The following GABRA5 variants were observed in gnomAD, a reference collection of about 807,000 sequenced individuals.
GABRA5 encodes gamma-aminobutyric acid type A receptor subunit alpha5.
Under a neutral mutation model 47.3 loss-of-function variants are expected in GABRA5, and 18 were observed. The ratio of observed to expected loss-of-function variants is 0.38; its 90% CI spans 0.26 to 0.56. The LOEUF (loss-of-function observed/expected upper bound fraction) is 0.56, where lower values mean the gene tolerates loss of function less well. GABRA5 is among the 20% of genes least tolerant of loss of function. The pLI, the probability that GABRA5 is intolerant of heterozygous loss-of-function variation, is 0.71. For synonymous variants in GABRA5, 237 were observed against 229.3 expected (o/e 1.03, Z -0.30); for missense variants, 365 against 599.3 (o/e 0.61, Z 4.08).
At chr15:26,874,232 T>C (rs1372093094) in intron 3 of GABRA5, among the ~76,000 whole-genome samples, 1 of 152,146 alleles carries the variant, frequency 6.6e-6, no homozygotes, top group East Asian at 1.9e-4. Context: ...AGAAGTCTGC[T>C]GGTACTTCAG....
intron 7 of GABRA5, among the ~76,000 whole-genome samples, chr15:26,920,081 G>C (rs1289117624): frequency 6.6e-6 from 1 of 151,564 alleles, no homozygotes; most frequent in African/African-American, 2.4e-5. Flanking sequence ...GTGGATTCTG[G>C]GTTTGCCTTA....
chr15:26,870,953 A>C (rs1388742998), intron 3 of GABRA5, among the ~76,000 whole-genome samples: 1 of 152,168 alleles, frequency 6.6e-6, no homozygotes, highest in Non-Finnish European at 1.5e-5. Flanking sequence ...GCACTTTGGG[A>C]GGCCAAGCGG....
intron 10 of GABRA5, among the ~76,000 whole-genome samples, chr15:26,945,194 C>T (rs1451319494): frequency 5.3e-5 from 8 of 152,110 alleles, no homozygotes; most frequent in African/African-American, 1.9e-4. Flanking sequence ...CCCCTGCTGC[C>T]AGGAAGGCTC....
At chr15:26,894,027 A>AG (rs1202576238) in intron 6 of GABRA5, among the ~76,000 whole-genome samples, 1 of 146,076 alleles carries the variant, frequency 6.8e-6, no homozygotes, top group Non-Finnish European at 1.5e-5. Context: ...AGGACTGGAG[A>AG]GGGGAGGCAG....
chr15:26,926,135 G>A (rs765678458), intron 7 of GABRA5, among the ~76,000 whole-genome samples: 4 of 152,086 alleles, frequency 2.6e-5, no homozygotes, highest in Admixed American at 6.5e-5. Flanking sequence ...GCCTTGCAGC[G>A]CTGACCCACA....
intron 7 of GABRA5, among the ~76,000 whole-genome samples, chr15:26,917,610 T>A (rs1356514006): frequency 1.3e-5 from 2 of 152,102 alleles, no homozygotes; most frequent in Admixed American, 6.5e-5. Context: ...CTCTTTAGTT[T>A]TTTTTGAAGA....
At position 26,948,348 on chromosome 15, in the gene GABRA5, C is replaced by A; in HGVS notation, c.*115C>A. The A allele has an allele frequency of 2.1e-6, 2 of 948,050 alleles. No individual in the cohort carries two copies. Among genetic ancestry groups the A allele is most frequent in the Non-Finnish European group, 1.6e-6 (1 of 641,800 alleles). 58.7% of individuals were successfully genotyped at this position (948,050 alleles called of 1,614,324 possible). ...AGCACTATCTTTCAGGAAATTTTTG[C>A]ATGTTTAATAATATGTACAAATAAT... On this transcript the variant is annotated 3_prime_UTR_variant, in exon 11 of 11. Coordinates refer to ENST00000335625, the MANE Select transcript of GABRA5 (RefSeq NM_000810.4).
rs888686935 is a variant in GABRA5 at position 26,936,665 on chromosome 15, C to T, written c.581-520C>T. 5.3e-5 allele frequency among the ~76,000 whole-genome samples: 8 copies of T among 152,316 alleles called. No homozygotes were observed. In the East Asian group the frequency reaches 7.7e-4, roughly 15 times the overall value. On this transcript the variant is annotated intron_variant, in intron 7 of 10. Coordinates refer to ENST00000335625, the MANE Select transcript of GABRA5 (RefSeq NM_000810.4). Reference sequence around the variant, plus strand: ...CACACCACCTTCACACCCAGGATGGCGTGGACAGCAGGTGCCTGTTGCAGA... The same window carrying T: ...CACACCACCTTCACACCCAGGATGGTGTGGACAGCAGGTGCCTGTTGCAGA...
At chr15:26,899,871 T>A (rs1893285707) in intron 6 of GABRA5, among the ~76,000 whole-genome samples, 1 of 152,176 alleles carries the variant, frequency 6.6e-6, no homozygotes, top group Non-Finnish European at 1.5e-5. Context: ...TTGAAGTATT[T>A]AGTCCATTTA....
intron 3 of GABRA5, among the ~76,000 whole-genome samples, chr15:26,869,606 C>T (rs769298467): frequency 2.6e-5 from 4 of 152,234 alleles, no homozygotes; most frequent in Non-Finnish European, 5.9e-5. Flanking sequence ...ATATCCGAGT[C>T]AGCTGTGATT....
chr15:26,928,627 G>A (rs1894017232), intron 7 of GABRA5, among the ~76,000 whole-genome samples: 1 of 152,118 alleles, frequency 6.6e-6, no homozygotes, highest in African/African-American at 2.4e-5. Context: ...CGTCCCTTCT[G>A]CCATGTGAGG....
chr15:26,933,049 T>A (rs773002082), intron 7 of GABRA5, among the ~76,000 whole-genome samples: 9 of 151,014 alleles, frequency 6.0e-5, no homozygotes, highest in African/African-American at 2.2e-4. Context: ...CCATGGCACA[T>A]GTTTGCCTAT....
At chr15:26,938,809 G>A (rs904089927) in intron 8 of GABRA5, among the ~76,000 whole-genome samples, 8 of 152,336 alleles carry the variant, frequency 5.3e-5, no homozygotes, top group African/African-American at 1.9e-4. Flanking sequence ...TTTGCCACAT[G>A]TGATTGCTAT....
intron 3 of GABRA5, among the ~76,000 whole-genome samples, chr15:26,869,805 A>G (rs899097974): frequency 6.6e-6 from 1 of 152,250 alleles, no homozygotes; most frequent in Admixed American, 6.5e-5. Context: ...GGCCTGAGCC[A>G]AGGCCCTAGA....
intron 6 of GABRA5, among the ~76,000 whole-genome samples, chr15:26,910,953 A>G (rs7166022): frequency 0.13 from 20,465 of 152,182 alleles, 1,587 homozygotes; most frequent in African/African-American, 0.21. Flanking sequence ...TCCACATTTC[A>G]AGAGCCCCAT....
intron 3 of GABRA5, among the ~76,000 whole-genome samples, chr15:26,878,715 T>C (rs904746915): frequency 3.9e-5 from 6 of 152,338 alleles, no homozygotes; most frequent in East Asian, 1.9e-4. Flanking sequence ...ACACTGACAT[T>C]CCTCCAAGAA....
intron 7 of GABRA5, among the ~76,000 whole-genome samples, chr15:26,932,309 C>T (rs1007556187): frequency 2.0e-5 from 3 of 152,126 alleles, no homozygotes; most frequent in Non-Finnish European, 4.4e-5. Context: ...GGGCAAAGGA[C>T]ATGAACAGAC....
intron 6 of GABRA5, among the ~76,000 whole-genome samples, chr15:26,893,426 G>GGTCTGTGTATGTA (rs1566870552): frequency 8.6e-6 from 1 of 116,104 alleles, no homozygotes; most frequent in Non-Finnish European, 2.0e-5. Flanking sequence ...GTGTGTGTAT[G>GGTCTGTGTATGTA]GTGTGTGGCG....
chr15:26,874,319 T>TC (rs1471020024), intron 3 of GABRA5, among the ~76,000 whole-genome samples: 2 of 122,538 alleles, frequency 1.6e-5, no homozygotes, highest in African/African-American at 6.9e-5. Flanking sequence ...CACAATGCAT[T>TC]TTTTTTTTAA....
Sources: allele counts gnomAD v4.1 joint callset (sites outside exome capture counted in the v4.1 genomes callset), GRCh38; gene constraint gnomAD v4.1.1; transcripts MANE v1.5; gene names NCBI Gene and HGNC (gene_info 2026-07-23, HGNC 2026-07-21).